RGL3: variants seen among roughly 807,000 people sequenced by gnomAD.
RGL3 encodes the protein ral guanine nucleotide dissociation stimulator like 3.
In RGL3, 85 loss-of-function variants were observed where a neutral mutation model predicts 90.6. The observed-to-expected ratio is 0.94, with a 90% CI of 0.79 to 1.12. The LOEUF is 1.12. Ranked by LOEUF, RGL3 falls within the 50% of genes most tolerant of loss-of-function variation. The probability of loss-of-function intolerance (pLI) is 0.00; values close to 1 mark genes in which losing one functional copy is unlikely to be tolerated. For synonymous variants in RGL3, 408 were observed against 385.5 expected (o/e 1.06, Z -0.68); for missense variants, 1,034 against 939.2 (o/e 1.10, Z -1.32).
intron 13 of RGL3, among the ~76,000 whole-genome samples, chr19:11,400,725 C>T (rs896204992): frequency 2.0e-5 from 3 of 151,688 alleles, no homozygotes; most frequent in Non-Finnish European, 4.4e-5. Flanking sequence ...TGTGGTAGCT[C>T]GCGCCTGTAA....
intron 16 of RGL3, among the ~76,000 whole-genome samples, chr19:11,399,163 C>T (rs184714061): frequency 5.3e-5 from 8 of 152,168 alleles, no homozygotes; most frequent in Non-Finnish European, 1.0e-4. Flanking sequence ...TGGTCTTGAA[C>T]TCCCGGCCTC....
chr19:11,417,157 T>TC, intron 2 of RGL3, 98 bp from the exon 3 acceptor site: 1 of 892,388 alleles, frequency 1.1e-6, no homozygotes, highest in African/African-American at 1.7e-5. Context: ...TTTTTTTTTT[T>TC]GTTTTTTTTT....
Position 11,402,135 on chromosome 19 carries a change from G to A in RGL3, c.1363-3C>T, listed in dbSNP as rs1276596585. The A allele has an allele frequency of 6.2e-7, 1 of 1,610,242 alleles. No individual in the cohort carries two copies. The highest frequency in any genetic ancestry group is 1.1e-5 in the South Asian group (1 of 90,634). On this transcript the variant is annotated splice_region_variant and splice_polypyrimidine_tract_variant and intron_variant, in intron 12 of 18. Coordinates refer to ENST00000380456, the MANE Select transcript of RGL3 (RefSeq NM_001035223.4). ...ATGCGGGCCAGGATCTCCCACTCCT[G>A]GAGGACGAGCCTCTAAGACCCTACC...
intron 18 of RGL3, 65 bp downstream of exon 18, chr19:11,397,179 G>A (rs3816865): frequency 0.11 from 147,063 of 1,375,770 alleles, 13,463 homozygotes; most frequent in African/African-American, 0.46. Flanking sequence ...TCCATCCTTG[G>A]GCGTGGTCAG....
At chr19:11,415,128 T>TAA (rs544218697) in intron 5 of RGL3, among the ~76,000 whole-genome samples, 1 of 143,126 alleles carries the variant, frequency 7.0e-6, no homozygotes, top group Non-Finnish European at 1.5e-5. Flanking sequence ...AGACTCTGTC[T>TAA]AAAAAAAAAA....
intron 2 of RGL3, among the ~76,000 whole-genome samples, chr19:11,418,236 TC>T (rs70947779): frequency 0.02 from 220 of 10,738 alleles, 4 homozygotes; most frequent in African/African-American, 0.068. Flanking sequence ...TCCCGTCCCC[TC>T]CCCCCACCCC....
chr19:11,416,038 G>A lies in RGL3; in HGVS notation c.536C>T (p.Ala179Val), dbSNP rs1251633773. ...GSVRTFLGWA[A>V]PGSAEAQKAE... ...TTTTTGAGCCTCAGCACTCCCTGGG[G>A]CCGCCCAGCCCAGAAAGGTTCGGAC... Residue 179 changes from alanine (A) to valine (V), a missense_variant, in exon 5 of 19, where the codon GCC becomes GTC. Transcript: ENST00000380456. 6.2e-7 allele frequency: 1 copy of A among 1,613,914 alleles called. No homozygotes were observed. Among genetic ancestry groups the A allele is most frequent in the African/African-American group, 1.3e-5 (1 of 74,966 alleles).
At chr19:11,419,219 G>A (rs745799989) in intron 1 of RGL3, 27 bp downstream of exon 1, 6 of 1,586,452 alleles carry the variant, frequency 3.8e-6, no homozygotes, top group Non-Finnish European at 4.3e-6. Flanking sequence ...CAGGGATGCG[G>A]GGTCCGGGGA....
chr19:11,398,809 T>C (rs1325890654), intron 16 of RGL3, among the ~76,000 whole-genome samples: 2 of 152,162 alleles, frequency 1.3e-5, no homozygotes, highest in Non-Finnish European at 2.9e-5. Context: ...TAGCTGGGAC[T>C]ACAGGTGTGC....
At chr19:11,404,317 C>T (rs1427724219) in intron 9 of RGL3, among the ~76,000 whole-genome samples, 1 of 152,168 alleles carries the variant, frequency 6.6e-6, no homozygotes, top group African/African-American at 2.4e-5. Context: ...CACCTCAGGT[C>T]AGGGATTCGA....
chr19:11,400,349 G>A (rs779543882), intron 13 of RGL3, 52 bp from the exon 14 acceptor site: 2 of 1,464,366 alleles, frequency 1.4e-6, no homozygotes, highest in Non-Finnish European at 1.8e-6. Context: ...TACAGGGGAT[G>A]GAGAGATAAG....
At chr19:11,403,640 C>CAAAAAAAAA (rs889376839) in intron 9 of RGL3, among the ~76,000 whole-genome samples, 1 of 49,384 alleles carries the variant, frequency 2.0e-5, no homozygotes, top group Admixed American at 2.2e-4. Flanking sequence ...AACTCCATCT[C>CAAAAAAAAA]AAAAAAAAAA....
intron 18 of RGL3, among the ~76,000 whole-genome samples, chr19:11,396,383 T>G (rs1372384269): frequency 2.0e-5 from 3 of 150,830 alleles, no homozygotes; most frequent in Non-Finnish European, 4.4e-5. Flanking sequence ...TTGGCCAGGC[T>G]GGTCTCGAAC....
chr19:11,397,558 C>A lies in RGL3; in HGVS notation c.1786G>T (p.Ala596Ser). ...ATTCGAGGGCTGCCCAGAGGCAAAG[C>A]GAAGGGCCGGGGGCTGGGCAGGTCC... The part of the protein sequence containing the change: ...SLDLPSPRPF[A>S]LPLGSPRIPL... The change falls in exon 17 of 19, where the codon GCT becomes TCT. Residue 596 changes from alanine to serine, a missense_variant. By Grantham distance (99) the Ala-to-Ser change is moderately conservative. Coordinates refer to ENST00000380456, the MANE Select transcript of RGL3 (RefSeq NM_001035223.4). 1.3e-6 allele frequency: 2 copies of A among 1,599,100 alleles called. No homozygotes were observed. Among genetic ancestry groups the A allele is most frequent in the Admixed American group, 1.7e-5 (1 of 57,454 alleles).
At position 11,402,239 on chromosome 19, in the gene RGL3, G is replaced by C; in HGVS notation, c.1338C>G (p.Leu446=). The C allele has an allele frequency of 6.2e-7, 1 of 1,613,286 alleles. No homozygotes were observed. Among genetic ancestry groups the C allele is most frequent in the Non-Finnish European group, 8.5e-7 (1 of 1,179,898 alleles). Reference sequence around the variant, plus strand: ...CCTTCCTCCTCTTCTCAAAGTTAATGAGATCCCCCTGGGGGCAAAGTGTGT... The same window carrying C: ...CCTTCCTCCTCTTCTCAAAGTTAATCAGATCCCCCTGGGGGCAAAGTGTGT... ...TALPDMLEGD[L]INFEKRRKEW... Residue 446 remains leucine, a synonymous_variant, in exon 12 of 19, where the codon CTC becomes CTG. Transcript: ENST00000380456.
At chr19:11,415,488 T>C (rs1161950250) in intron 5 of RGL3, among the ~76,000 whole-genome samples, 4 of 152,192 alleles carry the variant, frequency 2.6e-5, no homozygotes, top group Admixed American at 2.6e-4. Context: ...ATTTGTTTTT[T>C]TTTTTAGACG....
intron 11 of RGL3, 53 bp from the exon 12 acceptor site, chr19:11,402,300 C>G: frequency 6.2e-7 from 1 of 1,612,086 alleles, no homozygotes; most frequent in Non-Finnish European, 8.5e-7. Flanking sequence ...GGTCAAGGGT[C>G]AAGGTCAGGG....
chr19:11,414,939 C>G (rs1464932870), intron 5 of RGL3, among the ~76,000 whole-genome samples: 1 of 151,826 alleles, frequency 6.6e-6, no homozygotes, highest in Non-Finnish European at 1.5e-5. Context: ...GAGTTTGAGA[C>G]CAGCCTGGGC....
intron 5 of RGL3, among the ~76,000 whole-genome samples, chr19:11,412,571 G>A (rs1968892047): frequency 6.6e-6 from 1 of 151,972 alleles, no homozygotes; most frequent in Non-Finnish European, 1.5e-5. Context: ...ACTACATGGT[G>A]CAAGTGTAGT....
Sources: allele counts gnomAD v4.1 joint callset (sites outside exome capture counted in the v4.1 genomes callset), GRCh38; gene constraint gnomAD v4.1.1; transcripts MANE v1.5; gene names NCBI Gene and HGNC (gene_info 2026-07-23, HGNC 2026-07-21).